LATS2: variants seen among roughly 807,000 people sequenced by gnomAD.
LATS2 encodes the protein serine/threonine-protein kinase LATS2.
Under a neutral mutation model 76.0 loss-of-function variants are expected in LATS2, and 24 were observed. That is an observed-to-expected ratio of 0.32 (90% CI 0.23 to 0.44). The LOEUF is 0.44. Among genes scored for constraint, LATS2 ranks in the 20% least tolerant of loss-of-function variants. The pLI is 1.00. For synonymous variants in LATS2, 692 were observed against 635.4 expected, an observed-to-expected ratio of 1.09 and a Z score of -1.34; for missense variants, 1,286 against 1,481.2, an observed-to-expected ratio of 0.87 and a Z score of 2.16.
chr13:21,000,459 G>C (rs1870992325), intron 2 of LATS2, among the ~76,000 whole-genome samples: 1 of 151,882 alleles, frequency 6.6e-6, no homozygotes, highest in Admixed American at 6.6e-5. Context: ...AAATATTCAG[G>C]GGTGAATATT....
At position 20,988,143 on chromosome 13, in the gene LATS2, G is replaced by A. The variant is rs543513326; in HGVS notation, c.1637C>T (p.Ala546Val). Residue 546 changes from alanine to valine, a missense_variant, in exon 4 of 8, where the codon GCG (alanine) becomes GTG (valine). By Grantham distance (64) the Ala-to-Val change is moderately conservative. Around this residue, in one of 5 missense-constraint regions of LATS2, gnomAD observed 710 missense variants for 660.9 expected, o/e 1.07. Transcript: ENST00000382592. Reference protein sequence around the residue: ...LCAGMEQSLRAGPNEPEGGDK... With the variant: ...LCAGMEQSLRVGPNEPEGGDK... ...GCCGCCCTCGGGCTCGTTGGGGCCC[G>A]CACGGAGGCTCTGCTCCATGCCTGC... 5 of 1,614,142 alleles carry A rather than the reference G, an allele frequency of 3.1e-6. No individual in the cohort carries two copies. In the South Asian group the frequency reaches 3.3e-5, roughly 11 times the overall value.
rs572965499 is a variant in LATS2, at chr13:21,024,389, T to G, written c.342+21296A>C. ...AGGCGGAGGTTGCAGTGAGCCGAGATCGCGCCACTGTACCCCAGCCTGGGC... is the reference window on the plus strand; with the variant it reads ...AGGCGGAGGTTGCAGTGAGCCGAGAGCGCGCCACTGTACCCCAGCCTGGGC... On this transcript the variant is annotated intron_variant, in intron 2 of 7. Transcript: ENST00000382592. Among the ~76,000 whole-genome samples the G allele has an allele frequency of 2.6e-4, 39 of 152,210 alleles. No homozygotes were observed. The South Asian group carries it at 8.1e-3, about 32-fold the overall frequency.
At position 20,974,922 on chromosome 13, in the gene LATS2, T is replaced by A. The variant is rs1417581773; in HGVS notation, c.3215A>T (p.Glu1072Val). 1 of 1,614,178 alleles carries A rather than the reference T, an allele frequency of 6.2e-7. No individual in the cohort carries two copies. Among genetic ancestry groups the A allele is most frequent in the Non-Finnish European group, 8.5e-7 (1 of 1,180,028 alleles). ...EASQAESSDL[E>V]SSDLVDQTEG... Reference sequence around the variant, plus strand: ...AGTCTGATCCACCAGATCAGAGCTTTCTAAATCTGAGCTCTCAGCCTGTGA... The same window carrying A: ...AGTCTGATCCACCAGATCAGAGCTTACTAAATCTGAGCTCTCAGCCTGTGA... Residue 1072 changes from glutamate to valine, a missense_variant, in exon 8 of 8, where the codon GAA becomes GTA. Transcript: ENST00000382592.
At chr13:21,025,632 G>A (rs533628038) in intron 2 of LATS2, among the ~76,000 whole-genome samples, 4 of 152,170 alleles carry the variant, frequency 2.6e-5, no homozygotes, top group Admixed American at 1.3e-4. Flanking sequence ...CTGTCTCATC[G>A]TCATTAGGTC....
intron 4 of LATS2, among the ~76,000 whole-genome samples, chr13:20,986,519 C>G (rs1870152491): frequency 6.6e-6 from 1 of 152,172 alleles, no homozygotes; most frequent in Admixed American, 6.5e-5. Flanking sequence ...AAGCCAGGAA[C>G]AGAAGTTCGG....
intron 2 of LATS2, among the ~76,000 whole-genome samples, chr13:21,033,582 T>C (rs1253313676): frequency 6.6e-6 from 1 of 151,072 alleles, no homozygotes; most frequent in Non-Finnish European, 1.5e-5. Flanking sequence ...ATGGAGAAGG[T>C]GACAGACACA....
intron 2 of LATS2, among the ~76,000 whole-genome samples, chr13:20,995,604 C>T (rs1292089177): frequency 6.6e-6 from 1 of 152,212 alleles, no homozygotes; most frequent in African/African-American, 2.4e-5. Context: ...GAAAGAGCTG[C>T]AAGCAGGGAG....
rs71200328 is a variant in LATS2, at chr13:21,050,147, G to GATAGATACATACATACATAC, written c.-204-3918_-204-3917insGTATGTATGTATGTATCTAT. Among the ~76,000 whole-genome samples the GATAGATACATACATACATAC allele has an allele frequency of 7.0e-3, 379 of 53,786 alleles. 7 individuals carry two copies. The highest frequency in any genetic ancestry group is 0.016 in the African/African-American group (333 of 21,090). 35.3% of individuals were successfully genotyped at this position (53,786 alleles called of 152,430 possible). A position where few individuals can be genotyped will look rare whatever the true frequency, so the allele number is the denominator to read the frequency against. On this transcript the variant is annotated intron_variant, in intron 1 of 7. Coordinates refer to ENST00000382592, the MANE Select transcript of LATS2 (RefSeq NM_014572.3). ...AGACAGATAGATAGATAGATAGATA[G>GATAGATACATACATACATAC]ATACATACATACATACATACATACA...
intron 4 of LATS2, 66 bp from the exon 5 acceptor site, chr13:20,983,872 G>C (rs1185183502): frequency 7.7e-7 from 1 of 1,293,048 alleles, no homozygotes; most frequent in Non-Finnish European, 1.1e-6. Flanking sequence ...CAAATGACTG[G>C]GATGGGGATG....
rs190231526 is a variant in LATS2 at position 21,041,097 on chromosome 13, A to C, written c.342+4588T>G. ...ACACCATTCTCCTGCCTCAGCCTCCAGAGTAGCTGGGACTACAGGCGCCCG... is the reference window on the plus strand; with the variant it reads ...ACACCATTCTCCTGCCTCAGCCTCCCGAGTAGCTGGGACTACAGGCGCCCG... On this transcript the variant is annotated intron_variant, in intron 2 of 7. Transcript: ENST00000382592. 1.8e-3 allele frequency among the ~76,000 whole-genome samples: 270 copies of C among 151,924 alleles called. 3 individuals carry two copies. Among genetic ancestry groups the C allele is most frequent in the African/African-American group, 5.5e-3 (227 of 41,426 alleles).
rs548985636 is a variant in LATS2 at position 21,006,622 on chromosome 13, T to C, written c.343-15218A>G. The stretch of plus-strand genomic sequence containing the variant: ...CTCCTGAAATTAAGTAGGCTGAATA[T>C]GTGTGAAGACTCTGCTCTTCACTTC... On this transcript the variant is annotated intron_variant, in intron 2 of 7. Coordinates refer to ENST00000382592, the MANE Select transcript of LATS2 (RefSeq NM_014572.3). Among the ~76,000 whole-genome samples, 238 of 152,314 alleles carry C rather than the reference T, an allele frequency of 1.6e-3. 1 individual carries two copies. Among genetic ancestry groups the C allele is most frequent in the African/African-American group, 5.5e-3 (227 of 41,570 alleles).
In LATS2 at chr13:20,974,816, GCT is replaced by G; in HGVS notation, c.*52_*53del. ...TCCCTATTGGCCTGTGAGGGCACCG[GCT>G]CCGGGACCCTGACCTGGGAGGCAGC... On this transcript the variant is annotated 3_prime_UTR_variant, in exon 8 of 8. Transcript: ENST00000382592. 6.5e-7 allele frequency: 1 copy of G among 1,542,970 alleles called. No individual in the cohort carries two copies. Among genetic ancestry groups the G allele is most frequent in the Non-Finnish European group, 8.7e-7 (1 of 1,147,626 alleles).
intron 2 of LATS2, among the ~76,000 whole-genome samples, chr13:21,021,449 C>T (rs1459316990): frequency 2.6e-5 from 3 of 114,910 alleles, no homozygotes; most frequent in South Asian, 3.0e-4. Flanking sequence ...CTCCAGAGCC[C>T]GGGCAGCAGA....
chr13:21,002,749 G>A (rs1218635226), intron 2 of LATS2, among the ~76,000 whole-genome samples: 1 of 152,118 alleles, frequency 6.6e-6, no homozygotes, highest in African/African-American at 2.4e-5. Flanking sequence ...CTGAAGTACA[G>A]TGGTGCAATC....
intron 2 of LATS2, among the ~76,000 whole-genome samples, chr13:20,999,361 T>C (rs560921050): frequency 7.2e-5 from 11 of 152,338 alleles, no homozygotes; most frequent in Non-Finnish European, 1.5e-4. Context: ...TTGAAACGAA[T>C]GAAGAAGAAA....
At chr13:21,007,571 A>ATATATATATATATAGTG (rs1871331162) in intron 2 of LATS2, among the ~76,000 whole-genome samples, 1 of 18,498 alleles carries the variant, frequency 5.4e-5, no homozygotes, top group African/African-American at 6.5e-4. Flanking sequence ...ATATATATAT[A>ATATATATATATATAGTG]TATATATATA....
intron 1 of LATS2, among the ~76,000 whole-genome samples, chr13:21,050,345 CATT>C (rs1165928338): frequency 3.4e-4 from 51 of 150,300 alleles, no homozygotes; most frequent in Non-Finnish European, 1.3e-4. Flanking sequence ...AGAAGTGTAT[CATT>C]ATCACAACCC....
chr13:20,983,410 G>T lies in LATS2; in HGVS notation c.2296C>A (p.His766Asn). ...LLIRMEVFPE[H>N]LARFYIAELT... is the part of the protein sequence containing the mutation. ...TCTGCGATGTAGAACCGGGCCAGGT[G>T]CTCAGGGAAGACCTCCATCCGGATC... Residue 766 changes from histidine (H) to asparagine (N), a missense_variant, in exon 5 of 8, where the codon CAC becomes AAC. Coordinates refer to ENST00000382592, the MANE Select transcript of LATS2 (RefSeq NM_014572.3). 3 of 1,614,088 alleles carry T rather than the reference G, an allele frequency of 1.9e-6. No individual in the cohort carries two copies. Among genetic ancestry groups the T allele is most frequent in the Non-Finnish European group, 8.5e-7 (1 of 1,180,012 alleles).
At position 20,988,917 on chromosome 13, in the gene LATS2, C is replaced by G. The variant is rs1344141092; in HGVS notation, c.863G>C (p.Ser288Thr). Reference sequence around the variant, plus strand: ...TCCTCCCTGGCCCTTCGTGGGCAGGCTGGCGTAACCCCCGGTCTCCGGCGG... The same window carrying G: ...TCCTCCCTGGCCCTTCGTGGGCAGGGTGGCGTAACCCCCGGTCTCCGGCGG... ...KTPPETGGYA[S>T]LPTKGQGGPP... Residue 288 changes from serine (S) to threonine (T), a missense_variant, in exon 4 of 8, where the codon AGC becomes ACC. By Grantham distance (58) the Ser-to-Thr change is moderately conservative (BLOSUM62 1). Coordinates refer to ENST00000382592, the MANE Select transcript of LATS2 (RefSeq NM_014572.3). The G allele has an allele frequency of 2.0e-6, 3 of 1,523,798 alleles. No individual in the cohort carries two copies. In the African/African-American group the frequency reaches 4.1e-5, roughly 21 times the overall value. 94.4% of individuals were successfully genotyped at this position (1,523,798 alleles called of 1,614,324 possible).
Sources: gnomAD v4.1 joint callset for allele counts (sites outside exome capture counted in the v4.1 genomes callset) on GRCh38, gnomAD v4.1.1 for gene constraint, gnomAD v4.1.1 regional missense constraint, MANE v1.5 for transcripts, NCBI Gene and HGNC (gene_info 2026-07-23, HGNC 2026-07-21) for gene names.